The following AMN1 variants were observed in gnomAD, a reference collection of about 807,000 sequenced individuals.
AMN1 encodes the protein antagonist of mitotic exit network 1 homolog.
In AMN1, 20 loss-of-function variants were observed where a neutral mutation model predicts 33.0. The observed-to-expected ratio is 0.61, with a 90% CI of 0.43 to 0.88. The LOEUF is 0.88. AMN1 is among the 40% of genes least tolerant of loss of function. The pLI is 0.00. For missense variants in AMN1, 246 were observed against 307.4 expected, an observed-to-expected ratio of 0.80 and a Z score of 1.49; for synonymous variants, 114 against 111.9, an observed-to-expected ratio of 1.02 and a Z score of -0.12.
chr12:31,720,438 G>A (rs987585492), intron 1 of AMN1, among the ~76,000 whole-genome samples: 1 of 152,112 alleles, frequency 6.6e-6, no homozygotes, highest in Non-Finnish European at 1.5e-5. Context: ...TACTTGGGAG[G>A]CTGAGGCAGG....
At chr12:31,711,034 C>G (rs1354065864) in intron 1 of AMN1, among the ~76,000 whole-genome samples, 2 of 152,068 alleles carry the variant, frequency 1.3e-5, no homozygotes, top group African/African-American at 4.8e-5. Context: ...CTCAGCCTCC[C>G]AAGTAGCTGA....
chr12:31,676,259 A>G (rs1937690022), intron 6 of AMN1, among the ~76,000 whole-genome samples: 1 of 151,632 alleles, frequency 6.6e-6, no homozygotes, highest in African/African-American at 2.4e-5. Context: ...CAAATTACCT[A>G]TAGATTCAAT....
chr12:31,698,901 T>C (rs1430338985), intron 3 of AMN1, among the ~76,000 whole-genome samples: 1 of 152,068 alleles, frequency 6.6e-6, no homozygotes, highest in Non-Finnish European at 1.5e-5. Context: ...TTGTTAGTCA[T>C]AATAAGCCCC....
At chr12:31,677,392 T>G (rs1407878587) in intron 6 of AMN1, among the ~76,000 whole-genome samples, 1 of 152,224 alleles carries the variant, frequency 6.6e-6, no homozygotes, top group African/African-American at 2.4e-5. Context: ...ATGCTTGATG[T>G]CACCTTCCTA....
At chr12:31,703,607 T>C (rs1565774910) in intron 2 of AMN1, among the ~76,000 whole-genome samples, 1 of 152,214 alleles carries the variant, frequency 6.6e-6, no homozygotes, top group Non-Finnish European at 1.5e-5. Flanking sequence ...GCTGCATCCA[T>C]GTTGCTGTAA....
chr12:31,728,831 G>A (rs1044979975), intron 1 of AMN1, 140 bp downstream of exon 1: 2 of 982,966 alleles, frequency 2.0e-6, no homozygotes, highest in East Asian at 2.9e-5. Flanking sequence ...AGGAACCCAG[G>A]GACAGAAACA....
intron 1 of AMN1, among the ~76,000 whole-genome samples, chr12:31,713,194 G>A (rs1164991017): frequency 6.6e-6 from 1 of 151,972 alleles, no homozygotes; most frequent in Non-Finnish European, 1.5e-5. Context: ...CTACGTGAGA[G>A]ATGTAATGTT....
chr12:31,713,855 G>GA (rs1031569713), intron 1 of AMN1, among the ~76,000 whole-genome samples: 6 of 147,562 alleles, frequency 4.1e-5, no homozygotes, highest in East Asian at 2.1e-4. Flanking sequence ...CTCAAAAAAA[G>GA]AAAAAAAAAA....
chr12:31,717,021 T>A (rs925400678), intron 1 of AMN1, among the ~76,000 whole-genome samples: 6 of 152,148 alleles, frequency 3.9e-5, no homozygotes, highest in African/African-American at 1.4e-4. Context: ...TTTTTTTTTT[T>A]ACATTTTTAT....
chr12:31,676,723 C>T (rs772947509), intron 6 of AMN1, among the ~76,000 whole-genome samples: 1 of 151,728 alleles, frequency 6.6e-6, no homozygotes, highest in Non-Finnish European at 1.5e-5. Context: ...TGTCTTCTGT[C>T]TACATTTGTC....
At chr12:31,728,917 G>A (rs569697320) in intron 1 of AMN1, 54 bp downstream of exon 1, 2 of 1,528,700 alleles carry the variant, frequency 1.3e-6, no homozygotes, top group East Asian at 2.5e-5. Flanking sequence ...GGGCCTGGCC[G>A]TTTGGAGGAG....
Position 31,709,384 on chromosome 12 carries a change from G to A in AMN1, c.80C>T (p.Thr27Ile). Residue 27 changes from threonine to isoleucine, a missense_variant, in exon 2 of 7, where the codon ACA becomes ATA. By Grantham distance (89) the Thr-to-Ile change is moderately conservative. Transcript: ENST00000281471. Reference protein sequence around the residue: ...CFMKNISRYLTDIKPLPPNIK... With the variant: ...CFMKNISRYLIDIKPLPPNIK... ...GTTGGGAGGCAAAGGCTTAATGTCT[G>A]TGAGATATCTGGAAATATTCTTCAT... The A allele has an allele frequency of 1.2e-6, 2 of 1,613,838 alleles. No individual in the cohort carries two copies. Among genetic ancestry groups the A allele is most frequent in the Middle Eastern group, 3.3e-4 (2 of 6,060 alleles).
At chr12:31,708,613 T>C (rs920358102) in intron 2 of AMN1, 3 of 160,002 alleles carry the variant, frequency 1.9e-5, no homozygotes, top group Admixed American at 6.3e-5. Context: ...TGTTCGTACA[T>C]TCCTCCCCTT....
chr12:31,702,839 G>C (rs1939067345), intron 2 of AMN1, among the ~76,000 whole-genome samples: 1 of 152,172 alleles, frequency 6.6e-6, no homozygotes, highest in South Asian at 2.1e-4. Flanking sequence ...CCGGGTTCAA[G>C]CGATTCTCCT....
At chr12:31,725,090 C>G (rs894390074) in intron 1 of AMN1, among the ~76,000 whole-genome samples, 12 of 152,272 alleles carry the variant, frequency 7.9e-5, no homozygotes, top group African/African-American at 2.4e-4. Context: ...CTTCTCCCCC[C>G]ACAGTGGCGA....
In AMN1 at chr12:31,693,414, T is replaced by C. The variant is rs61398234; in HGVS notation, c.591+3947A>G. On this transcript the variant is annotated intron_variant, in intron 5 of 6. Transcript: ENST00000281471. ...GCTAATTTTGTATTTTTAGTAGAGA[T>C]GAGGTTTCTCCATGTTGGTCAGGCT... 8.4e-3 allele frequency among the ~76,000 whole-genome samples: 1,272 copies of C among 151,336 alleles called. 18 individuals are homozygous for C. The highest frequency in any genetic ancestry group is 0.029 in the African/African-American group (1,200 of 41,222).
rs1939670587 is a variant in AMN1, at chr12:31,716,225, T to C, written c.39-6800A>G. On this transcript the variant is annotated intron_variant, in intron 1 of 6. Coordinates refer to ENST00000281471, the MANE Select transcript of AMN1 (RefSeq NM_001113402.2). The stretch of plus-strand genomic sequence containing the variant: ...TTGTTCATGTCCATTTTCACTAACG[T>C]ATAATATTCTGTTGTTTGACCAATT... Among the ~76,000 whole-genome samples the C allele has an allele frequency of 2.6e-5, 4 of 152,366 alleles. No homozygotes were observed. In the South Asian group the frequency reaches 8.3e-4, roughly 32 times the overall value.
intron 1 of AMN1, 31 bp downstream of exon 1, chr12:31,728,940 C>G: frequency 6.5e-7 from 1 of 1,537,598 alleles, no homozygotes; most frequent in Non-Finnish European, 8.8e-7. Flanking sequence ...GCTGGGGCGG[C>G]GCGAAGGGAG....
In AMN1 at chr12:31,720,990, C is replaced by T. The variant is rs2139729408; in HGVS notation, c.38+7981G>A. 2.0e-5 allele frequency among the ~76,000 whole-genome samples: 3 copies of T among 152,312 alleles called. No homozygotes were observed. In the East Asian group the frequency reaches 5.8e-4, roughly 29 times the overall value. Reference sequence around the variant, plus strand: ...GTGGCTCATATCTATAATCCCAGCACTTTGGAAGCCAACGTGGGAATATCT... The same window carrying T: ...GTGGCTCATATCTATAATCCCAGCATTTTGGAAGCCAACGTGGGAATATCT... On this transcript the variant is annotated intron_variant, in intron 1 of 6. Coordinates refer to ENST00000281471, the MANE Select transcript of AMN1 (RefSeq NM_001113402.2).
Sources: gnomAD v4.1 joint callset for allele counts (sites outside exome capture counted in the v4.1 genomes callset) on GRCh38, gnomAD v4.1.1 for gene constraint, MANE v1.5 for transcripts, NCBI Gene and HGNC (gene_info 2026-07-23, HGNC 2026-07-21) for gene names.